Variants in ETNK1 observed in about 807,000 individuals in gnomAD.
ETNK1 encodes putative protein product of Nbla10396.
In ETNK1, 8 loss-of-function variants were observed where a neutral mutation model predicts 45.1. That is an observed-to-expected ratio of 0.18 (90% CI 0.10 to 0.32). The LOEUF is 0.32. Ranked by LOEUF, ETNK1 falls within the 10% of genes least tolerant of loss-of-function variation. ETNK1 has a pLI of 1.00. For missense variants in ETNK1, 302 were observed against 430.6 expected (o/e 0.70, Z 2.64); for synonymous variants, 152 against 151.9 (o/e 1.00, Z -0.01).
intron 6 of ETNK1, among the ~76,000 whole-genome samples, chr12:22,675,991 G>A (rs187788784): frequency 4.3e-4 from 66 of 152,026 alleles, no homozygotes; most frequent in Admixed American, 3.6e-3. Context: ...TTAAAAGCCC[G>A]TTATTTATTT....
At chr12:22,668,390 A>G (rs1226220993) in intron 4 of ETNK1, among the ~76,000 whole-genome samples, 1 of 152,180 alleles carries the variant, frequency 6.6e-6, no homozygotes, top group African/African-American at 2.4e-5. Context: ...TTTTCCAGTA[A>G]TTTGATTTTT....
chr12:22,643,786 T>C lies in ETNK1; in HGVS notation c.180T>C (p.Asn60=), dbSNP rs1953769834. ...AGCTCTTCACAGATGGAATCACAAATAAACTTATTGGCTGTTACGTGGGAA... is the reference window on the plus strand; with the variant it reads ...AGCTCTTCACAGATGGAATCACAAACAAACTTATTGGCTGTTACGTGGGAA... ...TLQLFTDGIT[N]KLIGCYVGNT... Residue 60 remains asparagine, a synonymous_variant, in exon 2 of 8, where the codon AAT becomes AAC. Coordinates refer to ENST00000266517, the MANE Select transcript of ETNK1 (RefSeq NM_018638.5). 1 of 1,611,862 alleles carries C rather than the reference T, an allele frequency of 6.2e-7. No individual in the cohort carries two copies. The highest frequency in any genetic ancestry group is 1.1e-5 in the South Asian group (1 of 90,914).
intron 6 of ETNK1, among the ~76,000 whole-genome samples, chr12:22,683,807 T>C (rs1954235496): frequency 6.6e-6 from 1 of 152,178 alleles, no homozygotes; most frequent in Non-Finnish European, 1.5e-5. Flanking sequence ...TATTTCTAGT[T>C]AGAATATAGT....
chr12:22,680,570 C>A (rs1954204569), intron 6 of ETNK1, among the ~76,000 whole-genome samples: 1 of 152,156 alleles, frequency 6.6e-6, no homozygotes. Context: ...ACCTGGAATG[C>A]CTTTTACCCT....
Position 22,644,264 on chromosome 12 carries a change from C to G in ETNK1, c.416+242C>G, listed in dbSNP as rs1175279691. 1.1e-5 allele frequency: 18 copies of G among 1,608,662 alleles called. No homozygotes were observed. In the East Asian group the frequency reaches 4.0e-4, roughly 36 times the overall value. On this transcript the variant is annotated intron_variant, in intron 2 of 7. Transcript: ENST00000266517. Reference sequence around the variant, plus strand: ...AAAACTACAAGATGTTTTGGATTAACCGGCTGCAGAGGGTCAAGGCTTCTG... The same window carrying G: ...AAAACTACAAGATGTTTTGGATTAAGCGGCTGCAGAGGGTCAAGGCTTCTG...
chr12:22,646,184 T>C (rs1463330369), intron 2 of ETNK1, among the ~76,000 whole-genome samples: 1 of 151,916 alleles, frequency 6.6e-6, no homozygotes, highest in Non-Finnish European at 1.5e-5. Flanking sequence ...TTCTAATTCC[T>C]ATGGCATTTC....
At chr12:22,662,560 A>G (rs1329416028) in intron 4 of ETNK1, among the ~76,000 whole-genome samples, 1 of 151,222 alleles carries the variant, frequency 6.6e-6, no homozygotes, top group Non-Finnish European at 1.5e-5. Flanking sequence ...ATACCTGACT[A>G]ATTTCAAAAT....
chr12:22,687,979 C>CT lies in ETNK1; in HGVS notation c.*3028dup, dbSNP rs1954273903. 1 of 152,142 alleles carries CT rather than the reference C, an allele frequency of 6.6e-6. No homozygotes were observed. The highest frequency in any genetic ancestry group is 6.6e-5 in the Admixed American group (1 of 15,226). 9.4% of individuals were successfully genotyped at this position (152,142 alleles called of 1,614,324 possible). A position where few individuals can be genotyped will look rare whatever the true frequency, so the allele number is the denominator to read the frequency against. On this transcript the variant is annotated 3_prime_UTR_variant, in exon 8 of 8. Transcript: ENST00000266517. ...CCTCTCAGTGCTTAATAAGACTTTT[C>CT]TTTATTTTTTAGTTAGCCGTTAGGT...
At chr12:22,662,392 C>CTTT (rs79930955) in intron 4 of ETNK1, among the ~76,000 whole-genome samples, 4 of 122,790 alleles carry the variant, frequency 3.3e-5, no homozygotes, top group East Asian at 2.3e-4. Context: ...CTGGCCTTTC[C>CTTT]TTTTTTTTTT....
intron 2 of ETNK1, among the ~76,000 whole-genome samples, chr12:22,644,892 G>A (rs919857888): frequency 6.6e-6 from 1 of 151,852 alleles, no homozygotes; most frequent in African/African-American, 2.4e-5. Flanking sequence ...CGGATGGCCC[G>A]GGGCTCCCTG....
chr12:22,648,347 A>G (rs261913), intron 2 of ETNK1, among the ~76,000 whole-genome samples: 86,822 of 151,674 alleles, frequency 0.57, 25,291 homozygotes, highest in East Asian at 0.85. Context: ...ACTGCTCTAA[A>G]AAAATCCTCT....
intron 2 of ETNK1, 190 bp downstream of exon 2, chr12:22,644,212 T>A (rs762379255): frequency 2.5e-6 from 4 of 1,597,874 alleles, no homozygotes; most frequent in Middle Eastern, 1.7e-4. Context: ...TATTTGCAGT[T>A]TATCATCGTT....
intron 2 of ETNK1, among the ~76,000 whole-genome samples, chr12:22,652,239 G>A (rs527879063): frequency 2.0e-5 from 3 of 152,162 alleles, no homozygotes; most frequent in Admixed American, 6.5e-5. Context: ...TATATACTAC[G>A]TTTTGTTTAT....
rs541453826 is a variant in ETNK1 at position 22,687,201 on chromosome 12, A to G, written c.*2247A>G. The G allele has an allele frequency of 4.2e-4, 64 of 152,064 alleles. No individual in the cohort carries two copies. Among genetic ancestry groups the G allele is most frequent in the Admixed American group, 4.0e-3 (61 of 15,242 alleles). 9.4% of individuals were successfully genotyped at this position (152,064 alleles called of 1,614,324 possible). On this transcript the variant is annotated 3_prime_UTR_variant, in exon 8 of 8. Transcript: ENST00000266517. ...AGATTTTGGTTGTTGTGATGCTCCT[A>G]CTTCCTGTATAGGTTTTTGGGATCA...
chr12:22,680,482 TCTG>T (rs1366632710), intron 6 of ETNK1, among the ~76,000 whole-genome samples: 2 of 152,188 alleles, frequency 1.3e-5, no homozygotes, highest in Non-Finnish European at 2.9e-5. Context: ...ACGTCCTACT[TCTG>T]CTCTAGCAGA....
At chr12:22,679,152 AG>A (rs1380292136) in intron 6 of ETNK1, among the ~76,000 whole-genome samples, 3 of 152,206 alleles carry the variant, frequency 2.0e-5, no homozygotes, top group African/African-American at 7.2e-5. Context: ...ACGCTGAGGA[AG>A]AAAGAAGCCA....
intron 1 of ETNK1, among the ~76,000 whole-genome samples, chr12:22,632,135 A>G (rs932936258): frequency 1.3e-5 from 2 of 151,914 alleles, no homozygotes; most frequent in Admixed American, 6.6e-5. Flanking sequence ...TGTTTTGAAA[A>G]TAAGTACTCT....
At chr12:22,633,657 C>T (rs986015937) in intron 1 of ETNK1, among the ~76,000 whole-genome samples, 3 of 152,120 alleles carry the variant, frequency 2.0e-5, no homozygotes, top group African/African-American at 7.2e-5. Flanking sequence ...ATTCTTTTAA[C>T]AATATTGAAT....
chr12:22,672,166 G>T (rs1411934252), intron 5 of ETNK1, among the ~76,000 whole-genome samples: 4 of 151,994 alleles, frequency 2.6e-5, no homozygotes, highest in Non-Finnish European at 5.9e-5. Context: ...ATATTGAAAA[G>T]TTGGTCATTT....
Sources: allele counts gnomAD v4.1 joint callset (sites outside exome capture counted in the v4.1 genomes callset), GRCh38; gene constraint gnomAD v4.1.1; transcripts MANE v1.5; gene names NCBI Gene and HGNC (gene_info 2026-07-23, HGNC 2026-07-21).